Variants in SAXO1 observed in about 807,000 individuals in gnomAD.
SAXO1 encodes the protein stabilizer of axonemal microtubules 1, also known as 4930500O09Rik.
In SAXO1, 21 loss-of-function variants were observed where a neutral mutation model predicts 17.5. That is an observed-to-expected ratio of 1.20 (90% CI 0.85 to 1.72). The LOEUF is 1.72. SAXO1 is among the 40% of genes most tolerant of loss of function. The probability of loss-of-function intolerance (pLI) is 0.00; values close to 1 mark genes in which losing one functional copy is unlikely to be tolerated. For synonymous variants in SAXO1, 274 were observed against 216.5 expected (o/e 1.27, Z -2.33); for missense variants, 843 against 596.0 (o/e 1.41, Z -4.32).
At chr9:18,959,681 G>T (rs1832405142) in intron 1 of SAXO1, among the ~76,000 whole-genome samples, 2 of 151,724 alleles carry the variant, frequency 1.3e-5, no homozygotes, top group African/African-American at 4.8e-5. Context: ...TGAGGCAGGA[G>T]AATCACTTGC....
chr9:18,944,005 G>C (rs543980010), intron 2 of SAXO1, among the ~76,000 whole-genome samples: 1 of 152,158 alleles, frequency 6.6e-6, no homozygotes, highest in Non-Finnish European at 1.5e-5. Flanking sequence ...CGCTTATTGC[G>C]CATCTCCCAC....
intron 1 of SAXO1, among the ~76,000 whole-genome samples, chr9:18,982,881 A>G (rs750380000): frequency 1.2e-4 from 19 of 152,206 alleles, no homozygotes; most frequent in Non-Finnish European, 1.8e-4. Context: ...TCAGAGTCCA[A>G]TCAGGAGAAA....
rs375442616 is a variant in SAXO1, at chr9:18,928,744, G to A, written c.733C>T (p.Arg245Trp). The A allele has an allele frequency of 1.7e-5, 28 of 1,613,958 alleles. No homozygotes were observed. Among genetic ancestry groups the A allele is most frequent in the East Asian group, 2.2e-5 (1 of 44,864 alleles). Reference protein sequence around the residue: ...ESLTTQKQSYRGLMGEPAKSL... With the variant: ...ESLTTQKQSYWGLMGEPAKSL... ...TTGGCAGGCTCCCCCATCAGGCCCCGGTAGGATTGTTTTTGAGTGGTAAGG... is the reference window on the plus strand; with the variant it reads ...TTGGCAGGCTCCCCCATCAGGCCCCAGTAGGATTGTTTTTGAGTGGTAAGG... The change falls in exon 4 of 4, where the codon CGG becomes TGG. Residue 245 changes from arginine to tryptophan, a missense_variant. By Grantham distance (101) the Arg-to-Trp change is moderately radical (BLOSUM62 -3). Coordinates refer to ENST00000380534, the MANE Select transcript of SAXO1 (RefSeq NM_153707.4).
chr9:18,965,737 C>T (rs1015116568), intron 1 of SAXO1, among the ~76,000 whole-genome samples: 10 of 152,226 alleles, frequency 6.6e-5, no homozygotes, highest in African/African-American at 2.2e-4. Context: ...GCATTTAGCC[C>T]ATTTACATTT....
intron 3 of SAXO1, among the ~76,000 whole-genome samples, chr9:18,935,167 G>A (rs898395973): frequency 2.0e-5 from 3 of 152,066 alleles, no homozygotes; most frequent in Non-Finnish European, 4.4e-5. Context: ...GCGCACCTGG[G>A]CCTCGCAAAG....
chr9:18,990,466 G>A (rs1833770979), intron 1 of SAXO1, among the ~76,000 whole-genome samples: 1 of 152,128 alleles, frequency 6.6e-6, no homozygotes, highest in Non-Finnish European at 1.5e-5. Flanking sequence ...AGAACTTTGG[G>A]AGGCCAAGGT....
intron 1 of SAXO1, among the ~76,000 whole-genome samples, chr9:19,001,930 C>A (rs1244243795): frequency 1.3e-5 from 2 of 151,810 alleles, no homozygotes; most frequent in South Asian, 4.2e-4. Flanking sequence ...CACAAAAAAC[C>A]CTTCAAAAAA....
At chr9:19,014,749 T>C (rs1407817721) in intron 1 of SAXO1, among the ~76,000 whole-genome samples, 1 of 152,164 alleles carries the variant, frequency 6.6e-6, no homozygotes, top group Admixed American at 6.5e-5. Context: ...ATTACCTACC[T>C]GTTGTCTCCT....
At position 18,928,586 on chromosome 9, in the gene SAXO1, G is replaced by A. The variant is rs370635414; in HGVS notation, c.891C>T (p.Pro297=). ...TTGTCAGAAGATCCATCCTGTCTTCGGGAGGGACGTAGGTGATGGGAGCTT... is the reference window on the plus strand; with the variant it reads ...TTGTCAGAAGATCCATCCTGTCTTCAGGAGGGACGTAGGTGATGGGAGCTT... The part of the protein sequence containing the change: ...FSKAPITYVP[P]EDRMDLLTTV... Residue 297 remains proline (P), a synonymous_variant, in exon 4 of 4, where the codon CCC becomes CCT. Transcript: ENST00000380534. 4.3e-5 allele frequency: 69 copies of A among 1,614,046 alleles called. No individual in the cohort carries two copies. Among genetic ancestry groups the A allele is most frequent in the Admixed American group, 3.3e-5 (2 of 60,002 alleles).
chr9:18,997,137 G>C (rs1417525462), intron 1 of SAXO1, among the ~76,000 whole-genome samples: 1 of 152,218 alleles, frequency 6.6e-6, no homozygotes, highest in South Asian at 2.1e-4. Context: ...AAGCAGGGCA[G>C]GGCATTGCCT....
At chr9:18,994,172 G>A (rs1216983583) in intron 1 of SAXO1, among the ~76,000 whole-genome samples, 2 of 152,180 alleles carry the variant, frequency 1.3e-5, no homozygotes, top group African/African-American at 4.8e-5. Context: ...AAGCAGTCAT[G>A]TTTAAAAAAT....
At chr9:18,929,948 C>T (rs1830966092) in intron 3 of SAXO1, among the ~76,000 whole-genome samples, 1 of 152,204 alleles carries the variant, frequency 6.6e-6, no homozygotes, top group Non-Finnish European at 1.5e-5. Context: ...CTTGTTTCAT[C>T]TTCACAATAA....
intron 3 of SAXO1, among the ~76,000 whole-genome samples, chr9:18,931,650 A>G (rs1335687883): frequency 1.3e-5 from 2 of 152,228 alleles, no homozygotes; most frequent in Non-Finnish European, 2.9e-5. Context: ...ACGTATAAAC[A>G]TTCTCATTTC....
At chr9:18,995,089 A>G (rs946691277) in intron 1 of SAXO1, among the ~76,000 whole-genome samples, 5 of 152,260 alleles carry the variant, frequency 3.3e-5, no homozygotes, top group Admixed American at 3.3e-4. Context: ...ATGCTTATTT[A>G]AGTAAATAAG....
chr9:18,941,551 C>T, intron 3 of SAXO1, 86 bp downstream of exon 3: 1 of 1,488,190 alleles, frequency 6.7e-7, no homozygotes, highest in Non-Finnish European at 9.3e-7. Flanking sequence ...CTTGCACTAA[C>T]TGAGTATGCA....
At chr9:19,005,945 A>C (rs565325889) in intron 1 of SAXO1, among the ~76,000 whole-genome samples, 1 of 152,242 alleles carries the variant, frequency 6.6e-6, no homozygotes, top group African/African-American at 2.4e-5. Flanking sequence ...AAAAACAAAA[A>C]AAACAAACAA....
In SAXO1 at chr9:18,928,965, G is replaced by A. The variant is rs150639454; in HGVS notation, c.512C>T (p.Thr171Ile). The change falls in exon 4 of 4, where the codon ACC (threonine) becomes ATC (isoleucine). Residue 171 changes from threonine to isoleucine, a missense_variant. By Grantham distance (89) the Thr-to-Ile change is moderately conservative. Transcript: ENST00000380534. Reference sequence around the variant, plus strand: ...TATGGGGTAATCGTCCTGGTGTGTGGTTCTGTTATCAAACCTGACTGATGC... The same window carrying A: ...TATGGGGTAATCGTCCTGGTGTGTGATTCTGTTATCAAACCTGACTGATGC... ...QPASVRFDNR[T>I]THQDDYPIKG... is the part of the protein sequence containing the mutation. The A allele has an allele frequency of 2.2e-4, 361 of 1,614,060 alleles. No homozygotes were observed. The African/African-American group carries it at 4.1e-3, about 18-fold the overall frequency.
intron 1 of SAXO1, among the ~76,000 whole-genome samples, chr9:18,979,976 A>G (rs1833305974): frequency 1.3e-5 from 2 of 152,224 alleles, no homozygotes; most frequent in Non-Finnish European, 2.9e-5. Flanking sequence ...TTAGTGACAG[A>G]CTGTACTGGG....
chr9:18,961,551 T>G (rs974646689), intron 1 of SAXO1, among the ~76,000 whole-genome samples: 2 of 151,468 alleles, frequency 1.3e-5, no homozygotes, highest in African/African-American at 4.8e-5. Flanking sequence ...TGTGTTCTCA[T>G]TGTTCAACTC....
Sources: gnomAD v4.1 joint callset for allele counts (sites outside exome capture counted in the v4.1 genomes callset) on GRCh38, gnomAD v4.1.1 for gene constraint, MANE v1.5 for transcripts, NCBI Gene and HGNC (gene_info 2026-07-23, HGNC 2026-07-21) for gene names.